KRIT1: variants seen among roughly 807,000 people sequenced by gnomAD.
The protein encoded by KRIT1 is KRIT1 ankyrin repeat containing, also known as krev interaction trapped protein 1.
Under a neutral mutation model 95.8 loss-of-function variants are expected in KRIT1, and 45 were observed. That is an observed-to-expected ratio of 0.47 (90% confidence interval 0.37 to 0.60). KRIT1 has a LOEUF of 0.60. Ranked by LOEUF, KRIT1 falls within the 20% of genes least tolerant of loss-of-function variation. The pLI, the probability that KRIT1 is intolerant of heterozygous loss-of-function variation, is 0.00. For missense variants in KRIT1, 788 were observed against 877.5 expected, an observed-to-expected ratio of 0.90 and a Z score of 1.29; for synonymous variants, 282 against 278.8, an observed-to-expected ratio of 1.01 and a Z score of -0.11.
chr7:92,234,367 G>T, intron 10 of KRIT1, 82 bp downstream of exon 10: 1 of 1,095,044 alleles, frequency 9.1e-7, no homozygotes, highest in Non-Finnish European at 1.4e-6. Flanking sequence ...TTTGGAATGA[G>T]AACAGTCTTG....
At chr7:92,215,109 A>G (rs183546174) in intron 14 of KRIT1, among the ~76,000 whole-genome samples, 1,533 of 151,730 alleles carry the variant, frequency 0.01, 9 homozygotes, top group Middle Eastern at 0.031. Context: ...GCTGATAGGA[A>G]ATAGTTATTT....
chr7:92,224,688 T>A (rs1344645865), intron 12 of KRIT1, among the ~76,000 whole-genome samples: 4 of 152,184 alleles, frequency 2.6e-5, no homozygotes, highest in Admixed American at 2.6e-4. Context: ...CCAGGTTGAG[T>A]TAGCAGAATA....
intron 14 of KRIT1, among the ~76,000 whole-genome samples, chr7:92,217,709 T>C (rs1794280501): frequency 6.6e-6 from 1 of 152,222 alleles, no homozygotes; most frequent in South Asian, 2.1e-4. Flanking sequence ...TTGGTTATTA[T>C]GAATAATGCT....
At position 92,222,943 on chromosome 7, in the gene KRIT1, T is replaced by C; in HGVS notation, c.1290A>G (p.Ser430=). 1.2e-6 allele frequency: 2 copies of C among 1,609,960 alleles called. No homozygotes were observed. The change falls in exon 13 of 19, where the codon TCA becomes TCG. Residue 430 remains serine (S), a synonymous_variant. Transcript: ENST00000394505. ...CATGCTTCAATTCAACAGAACGATA[T>C]GACCCATCCATTCTGTATATTCGAA... ...EKVRIYRMDG[S]YRSVELKHGN... is the part of the protein sequence containing the mutation.
intron 17 of KRIT1, among the ~76,000 whole-genome samples, chr7:92,208,590 CTAA>C (rs1286621058): frequency 1.3e-5 from 2 of 151,858 alleles, no homozygotes; most frequent in Non-Finnish European, 2.9e-5. Flanking sequence ...CAATGATAGG[CTAA>C]CAAATTGGAA....
At chr7:92,236,743 T>G (rs2131679502) in intron 6 of KRIT1, among the ~76,000 whole-genome samples, 1 of 152,320 alleles carries the variant, frequency 6.6e-6, no homozygotes, top group East Asian at 1.9e-4. Context: ...TTTAGAATTT[T>G]GGAGGACTGC....
chr7:92,212,012 G>A (rs1379525437), intron 17 of KRIT1, among the ~76,000 whole-genome samples: 1 of 152,098 alleles, frequency 6.6e-6, no homozygotes, highest in Non-Finnish European at 1.5e-5. Flanking sequence ...GGCTGAGGTA[G>A]GAGGATTGCT....
At position 92,235,824 on chromosome 7, in the gene KRIT1, ATTT is replaced by A. The variant is rs566891412; in HGVS notation, c.486-181_486-179del. On this transcript the variant is annotated intron_variant, in intron 7 of 18. Transcript: ENST00000394505. Reference sequence around the variant, plus strand: ...TAAAATTTATTTATATTGCAAATTGATTTTTTTAACAAAAAAACATGCATAATA... The same window carrying A: ...TAAAATTTATTTATATTGCAAATTGATTTTAACAAAAAAACATGCATAATA... 2.2e-4 allele frequency: 124 copies of A among 566,432 alleles called. 1 individual carries two copies. The East Asian group carries it at 4.0e-3, about 18-fold the overall frequency. The allele number at this position is 566,432 out of a possible 1,614,324, so 35.1% of individuals were successfully genotyped here.
At chr7:92,214,485 T>C (rs900232981) in intron 15 of KRIT1, 126 bp downstream of exon 15, 1 of 702,864 alleles carries the variant, frequency 1.4e-6, no homozygotes, top group Non-Finnish European at 2.4e-6. Flanking sequence ...TCTCATTCTA[T>C]GTCTTATATT....
chr7:92,202,560 T>A (rs561739362), intron 17 of KRIT1, among the ~76,000 whole-genome samples: 6 of 152,338 alleles, frequency 3.9e-5, no homozygotes, highest in Non-Finnish European at 8.8e-5. Flanking sequence ...TTTCTATAAA[T>A]ACCAATTCTT....
intron 9 of KRIT1, 87 bp from the exon 10 acceptor site, chr7:92,234,679 T>G: frequency 8.0e-7 from 1 of 1,256,590 alleles, no homozygotes; most frequent in Non-Finnish European, 1.2e-6. Flanking sequence ...GAAAGCTCTG[T>G]ATCACTAAGA....
chr7:92,225,751 G>A lies in KRIT1; in HGVS notation c.1223C>T (p.Ala408Val), dbSNP rs772109979. Residue 408 changes from alanine (A) to valine (V), a missense_variant, in exon 12 of 19, where the codon GCA (alanine) becomes GTA (valine). Physicochemically the swap from Ala to Val is moderately conservative, Grantham distance 64. Coordinates refer to ENST00000394505, the MANE Select transcript of KRIT1 (RefSeq NM_194454.3). ...GTTAATTGCTTCCTTCAACAATTTTGCAGCTTCTTCCCAGTTGTTTTGTTT... is the reference window on the plus strand; with the variant it reads ...GTTAATTGCTTCCTTCAACAATTTTACAGCTTCTTCCCAGTTGTTTTGTTT... ...ENKQNNWEEA[A>V]KLLKEAINKP... 6.2e-7 allele frequency: 1 copy of A among 1,604,610 alleles called. No homozygotes were observed. The highest frequency in any genetic ancestry group is 1.1e-5 in the South Asian group (1 of 90,880).
Position 92,201,437 on chromosome 7 carries a change from GGAAA to G in KRIT1, c.2026-18_2026-15del. ...GATGAGTAAAGCCTGCAACATAATT[GGAAA>G]CAACTATATTGAAATACATATTAAA... On this transcript the variant is annotated splice_polypyrimidine_tract_variant and intron_variant, in intron 17 of 18. Transcript: ENST00000394505. 8.4e-7 allele frequency: 1 copy of G among 1,185,926 alleles called. No homozygotes were observed. The highest frequency in any genetic ancestry group is 1.3e-6 in the Non-Finnish European group (1 of 789,820). 73.5% of individuals were successfully genotyped at this position (1,185,926 alleles called of 1,614,324 possible).
Position 92,213,278 on chromosome 7 carries a change from C to T in KRIT1, c.1942G>A (p.Ala648Thr), listed in dbSNP as rs1793279371. 1 of 1,613,606 alleles carries T rather than the reference C, an allele frequency of 6.2e-7. No homozygotes were observed. The highest frequency in any genetic ancestry group is 1.1e-5 in the South Asian group (1 of 91,070). ...ATGACTTTATGATTGCTGGGGCTTG[C>T]CTTTGTAAATATCTGTCCTGTGAAA... is the stretch of plus-strand genomic sequence containing the variant. ...AFFTGQIFTK[A>T]SPSNHKVIPV... is the part of the protein sequence containing the mutation. Residue 648 changes from alanine (A) to threonine (T), a missense_variant, in exon 17 of 19, where the codon GCA becomes ACA. Physicochemically the swap from Ala to Thr is moderately conservative, Grantham distance 58. Transcript: ENST00000394505.
At chr7:92,229,101 T>TAC (rs1796771564) in intron 10 of KRIT1, among the ~76,000 whole-genome samples, 1 of 152,250 alleles carries the variant, frequency 6.6e-6, no homozygotes, top group African/African-American at 2.4e-5. Flanking sequence ...TCTGGGTATA[T>TAC]ACACAGTAAT....
chr7:92,234,478 G>T lies in KRIT1; in HGVS notation c.960C>A (p.Asp320Glu). ...ATGCATAATGAATGGGTGCCCAGTG[G>T]TCACTATCTAACTGGTTGACTGAAA... ...ERFSVNQLDS[D>E]HWAPIHYACW... is the part of the protein sequence containing the mutation. Residue 320 changes from aspartate to glutamate, a missense_variant, in exon 10 of 19, where the codon GAC (aspartate) becomes GAA (glutamate). Coordinates refer to ENST00000394505, the MANE Select transcript of KRIT1 (RefSeq NM_194454.3). 1 of 1,609,180 alleles carries T rather than the reference G, an allele frequency of 6.2e-7. No individual in the cohort carries two copies. The highest frequency in any genetic ancestry group is 8.5e-7 in the Non-Finnish European group (1 of 1,175,420).
rs1409604560 is a variant in KRIT1 at position 92,235,588 on chromosome 7, G to C, written c.544C>G (p.Pro182Ala). The change falls in exon 8 of 19, where the codon CCT becomes GCT. Residue 182 changes from proline to alanine, a missense_variant. Physicochemically the swap from Pro to Ala is conservative, Grantham distance 27. This residue lies in a region of KRIT1 where 289 missense variants were observed against 277.5 expected (regional missense o/e 1.04). Coordinates refer to ENST00000394505, the MANE Select transcript of KRIT1 (RefSeq NM_194454.3). ...HFIPALFRPSPLERIKTNVIN... is the reference protein window; with the variant it reads ...HFIPALFRPSALERIKTNVIN... ...ACATTAGTTTTTATCCGCTCAAGAG[G>C]AGAAGGTCGGAATAAAGCTGGAATA... 21 of 1,613,662 alleles carry C rather than the reference G, an allele frequency of 1.3e-5. No individual in the cohort carries two copies. The highest frequency in any genetic ancestry group is 1.6e-5 in the Non-Finnish European group (19 of 1,179,828).
intron 12 of KRIT1, 114 bp from the exon 13 acceptor site, chr7:92,223,092 T>C: frequency 1.4e-6 from 1 of 727,026 alleles, no homozygotes; most frequent in Non-Finnish European, 2.4e-6. Context: ...ATGAAAAATA[T>C]CAGAAACACT....
At chr7:92,229,150 T>C (rs952389817) in intron 10 of KRIT1, among the ~76,000 whole-genome samples, 3 of 152,200 alleles carry the variant, frequency 2.0e-5, no homozygotes, top group African/African-American at 7.2e-5. Context: ...TTTTTAGCTC[T>C]TTGAGGAATT....
Sources: allele counts gnomAD v4.1 joint callset (sites outside exome capture counted in the v4.1 genomes callset), GRCh38; gene constraint gnomAD v4.1.1; regional missense constraint gnomAD v4.1.1; transcripts MANE v1.5; gene names NCBI Gene and HGNC (gene_info 2026-07-23, HGNC 2026-07-21).